CBR4: variants seen among roughly 807,000 people sequenced by gnomAD.
CBR4 encodes 3-oxoacyl-[acyl-carrier-protein] reductase.
In CBR4, 22 loss-of-function variants were observed where a neutral mutation model predicts 21.0. The observed-to-expected ratio is 1.05, with a 90% CI of 0.75 to 1.50. The LOEUF (loss-of-function observed/expected upper bound fraction) is 1.50, where lower values mean the gene tolerates loss of function less well. Among genes scored for constraint, CBR4 ranks in the 40% most tolerant of loss-of-function variants. The probability of loss-of-function intolerance (pLI) is 0.00; values close to 1 mark genes in which losing one functional copy is unlikely to be tolerated. For synonymous variants in CBR4, 100 were observed against 104.4 expected, an observed-to-expected ratio of 0.96 and a Z score of 0.26; for missense variants, 302 against 286.3, an observed-to-expected ratio of 1.05 and a Z score of -0.40.
intron 2 of CBR4, among the ~76,000 whole-genome samples, chr4:168,961,865 G>A (rs1231281198): frequency 6.6e-6 from 1 of 152,044 alleles, no homozygotes; most frequent in African/African-American, 2.4e-5. Context: ...ACTCCAGCCT[G>A]GGCAACAGAG....
chr4:168,984,749 A>G (rs2126790552), downstream of CBR4, among the ~76,000 whole-genome samples: 1 of 152,348 alleles, frequency 6.6e-6, no homozygotes, highest in Admixed American at 6.5e-5. Context: ...GAATCCAGAA[A>G]TAAAGCTGCA....
intron 2 of CBR4, among the ~76,000 whole-genome samples, chr4:168,937,636 CAAA>C (rs139482274): frequency 2.9e-5 from 4 of 138,778 alleles, no homozygotes; most frequent in Admixed American, 1.4e-4. Context: ...ATAAAAAAAG[CAAA>C]AAAAAAAAAA....
intron 2 of CBR4, chr4:168,916,068 T>G (rs763223193): frequency 2.5e-6 from 4 of 1,580,676 alleles, no homozygotes; most frequent in Non-Finnish European, 3.5e-6. Flanking sequence ...TTGCCCCACT[T>G]CTCCCTCACT....
intron 2 of CBR4, among the ~76,000 whole-genome samples, chr4:168,917,750 T>C (rs1760492192): frequency 6.6e-6 from 1 of 152,172 alleles, no homozygotes; most frequent in Non-Finnish European, 1.5e-5. Flanking sequence ...GGATCATTAT[T>C]TATTTTTTAC....
At position 169,010,175 on chromosome 4, in the gene CBR4, CA is replaced by C. The variant is rs67305871; in HGVS notation, c.-87del. On this transcript the variant is annotated 5_prime_UTR_variant, in exon 1 of 5. Coordinates refer to ENST00000306193, the MANE Select transcript of CBR4 (RefSeq NM_032783.5). ...TCAGGCTTTTAAACAACCGCGGTTC[CA>C]AAAAAAAAAAAAAGAAAAAAAAAGG... 0.53 allele frequency: 352,586 copies of C among 661,204 alleles called. 49,358 individuals carry two copies. The highest frequency in any genetic ancestry group is 0.66 in the Admixed American group (11,646 of 17,726). The allele number at this position is 661,204 out of a possible 1,614,324, so 41.0% of individuals were successfully genotyped here. A position where few individuals can be genotyped will look rare whatever the true frequency, so the allele number is the denominator to read the frequency against.
chr4:168,990,204 C>A lies in CBR4; in HGVS notation c.660G>T (p.Pro220=), dbSNP rs149262457. ...CTACCAGAACATGCCCTGTAATATA[C>A]GGTGATTCTAAAAGAAACACAACCG... ...AHAVVFLLES[P]YITGHVLVVD... is the part of the protein sequence containing the mutation. The change falls in exon 5 of 5, where the codon CCG becomes CCT. Residue 220 remains proline (P), a synonymous_variant. Transcript: ENST00000306193. 1 of 1,612,658 alleles carries A rather than the reference C, an allele frequency of 6.2e-7. No homozygotes were observed. Among genetic ancestry groups the A allele is most frequent in the African/African-American group, 1.3e-5 (1 of 74,808 alleles).
chr4:168,961,195 G>A (rs570574874), intron 2 of CBR4, among the ~76,000 whole-genome samples: 1 of 152,138 alleles, frequency 6.6e-6, no homozygotes, highest in Non-Finnish European at 1.5e-5. Context: ...TAAATCATAT[G>A]AATACCTTGC....
At chr4:168,972,871 CT>C (rs1764251718) in intron 2 of CBR4, among the ~76,000 whole-genome samples, 1 of 152,198 alleles carries the variant, frequency 6.6e-6, no homozygotes, top group South Asian at 2.1e-4. Flanking sequence ...AAAGGAAATA[CT>C]TTAAACGCTT....
chr4:168,920,477 G>C (rs918499471), intron 2 of CBR4, among the ~76,000 whole-genome samples: 1 of 152,124 alleles, frequency 6.6e-6, no homozygotes, highest in Non-Finnish European at 1.5e-5. Context: ...ACATCTTTTT[G>C]TATATAACTT....
At chr4:168,982,954 C>T (rs926515110), downstream of CBR4, among the ~76,000 whole-genome samples, 2 of 152,086 alleles carry the variant, frequency 1.3e-5, no homozygotes, top group African/African-American at 2.4e-5. Context: ...TAAATGCCCA[C>T]ATACATCAAA....
At chr4:168,903,611 T>C (rs1757014326) in intron 2 of CBR4, 2 of 660,972 alleles carry the variant, frequency 3.0e-6, no homozygotes, top group Non-Finnish European at 5.4e-6. Flanking sequence ...CAGTGAAAAA[T>C]CAATTCCTTA....
chr4:168,954,051 CA>C (rs1285386254), intron 2 of CBR4, among the ~76,000 whole-genome samples: 1 of 151,526 alleles, frequency 6.6e-6, no homozygotes, highest in Non-Finnish European at 1.5e-5. Context: ...AAAGTAGGAC[CA>C]AAAAGAGAGA....
At chr4:168,998,156 T>C (rs73864675) in intron 4 of CBR4, among the ~76,000 whole-genome samples, 3,825 of 152,290 alleles carry the variant, frequency 0.025, 162 homozygotes, top group African/African-American at 0.088. Flanking sequence ...AGGTATCCTG[T>C]AGAAATAAAC....
At chr4:168,902,245 A>T (rs1435726424) in intron 2 of CBR4, among the ~76,000 whole-genome samples, 2 of 152,194 alleles carry the variant, frequency 1.3e-5, no homozygotes, top group Non-Finnish European at 2.9e-5. Context: ...AAAGGGTCTA[A>T]AGTATATTTG....
At chr4:168,952,919 G>C (rs28696372) in intron 2 of CBR4, among the ~76,000 whole-genome samples, 1 of 152,214 alleles carries the variant, frequency 6.6e-6, no homozygotes, top group Non-Finnish European at 1.5e-5. Context: ...GCTCTTTCCA[G>C]AGGGCATCAG....
chr4:168,981,292 G>A (rs11725927), intron 2 of CBR4, among the ~76,000 whole-genome samples: 23,031 of 151,952 alleles, frequency 0.15, 1,934 homozygotes, highest in African/African-American at 0.22. Flanking sequence ...CCAGCTACTC[G>A]GGAGGTTGAG....
chr4:168,907,840 G>GA (rs140317565), intron 2 of CBR4, among the ~76,000 whole-genome samples: 40 of 147,642 alleles, frequency 2.7e-4, no homozygotes, highest in African/African-American at 7.2e-4. Flanking sequence ...ATCAAAAGGA[G>GA]AAAAAAAAAA....
intron 2 of CBR4, among the ~76,000 whole-genome samples, chr4:168,921,181 G>A (rs577712000): frequency 1.2e-4 from 18 of 152,048 alleles, no homozygotes; most frequent in African/African-American, 3.6e-4. Context: ...TGAGGCAGGC[G>A]GATCACCTGA....
intron 2 of CBR4, among the ~76,000 whole-genome samples, chr4:168,912,567 C>T (rs1436427737): frequency 2.0e-5 from 3 of 152,132 alleles, no homozygotes; most frequent in South Asian, 2.1e-4. Flanking sequence ...CATATGACAG[C>T]GTTTATCAAA....
Sources: allele counts gnomAD v4.1 joint callset (sites outside exome capture counted in the v4.1 genomes callset), GRCh38; gene constraint gnomAD v4.1.1; transcripts MANE v1.5; gene names NCBI Gene and HGNC (gene_info 2026-07-23, HGNC 2026-07-21).